EMC1: variants seen among roughly 807,000 people sequenced by gnomAD.
EMC1 encodes the protein ER membrane protein complex subunit 1.
EMC1 carries 103 observed loss-of-function variants against 128.8 expected under a neutral mutation model. That is an observed-to-expected ratio of 0.80 (90% CI 0.68 to 0.94). The LOEUF is 0.94. EMC1 is among the 40% of genes least tolerant of loss of function. EMC1 has a pLI of 0.00. For missense variants in EMC1, 1,083 were observed against 1,250.6 expected (o/e 0.87, Z 2.02); for synonymous variants, 442 against 490.4 (o/e 0.90, Z 1.30).
chr1:19,225,465 C>T (rs1331516540), intron 18 of EMC1, among the ~76,000 whole-genome samples: 8 of 152,160 alleles, frequency 5.3e-5, no homozygotes, highest in Admixed American at 2.0e-4. Context: ...TCCTGGCCAA[C>T]ATGGTGAAAC....
At chr1:19,240,132 G>A (rs1480519287) in intron 7 of EMC1, 147 bp from the exon 8 acceptor site, 2 of 1,204,554 alleles carry the variant, frequency 1.7e-6, no homozygotes, top group Non-Finnish European at 2.3e-6. Context: ...GTTCCCCAAA[G>A]AGGAAAGTGA....
chr1:19,240,328 G>GTC lies in EMC1; in HGVS notation c.753_754dup (p.Thr252ArgfsTer6). 1 of 1,614,152 alleles carries GTC rather than the reference G, an allele frequency of 6.2e-7. No individual in the cohort carries two copies. Among genetic ancestry groups the GTC allele is most frequent in the African/African-American group, 1.3e-5 (1 of 75,046 alleles). On this transcript the variant is annotated frameshift_variant, in exon 7 of 23. Transcript: ENST00000477853. LOFTEE classifies it high-confidence loss of function. Reference sequence around the variant, plus strand: ...TGGGATCTGTCTCAACTCCCATTCCGTCTCCAGAGCCAAAGTTTGGAGGGA... The same window carrying GTC: ...TGGGATCTGTCTCAACTCCCATTCCGTCTCTCCAGAGCCAAAGTTTGGAGGGA...
intron 11 of EMC1, among the ~76,000 whole-genome samples, chr1:19,237,793 G>A (rs1248662386): frequency 6.6e-6 from 1 of 152,236 alleles, no homozygotes; most frequent in Non-Finnish European, 1.5e-5. Context: ...ATCAATTAAT[G>A]TGTAAGTTAA....
chr1:19,231,004 T>G, intron 16 of EMC1, 41 bp from the exon 17 acceptor site: 2 of 1,610,346 alleles, frequency 1.2e-6, no homozygotes, highest in Non-Finnish European at 1.7e-6. Context: ...GTTAGGAAAT[T>G]TCCCCATCAA....
chr1:19,236,845 G>A (rs1021112614), intron 12 of EMC1, among the ~76,000 whole-genome samples: 40 of 150,786 alleles, frequency 2.7e-4, no homozygotes, highest in Admixed American at 9.3e-4. Context: ...GCACACGCCT[G>A]TAATCCCAGC....
Position 19,219,199 on chromosome 1 carries a change from AC to A in EMC1, c.*103del. The A allele has an allele frequency of 4.4e-6, 5 of 1,127,254 alleles. No homozygotes were observed. Among genetic ancestry groups the A allele is most frequent in the Non-Finnish European group, 6.5e-6 (5 of 763,452 alleles). The allele number at this position is 1,127,254 out of a possible 1,614,324, so 69.8% of individuals were successfully genotyped here. A position where few individuals can be genotyped will look rare whatever the true frequency, so the allele number is the denominator to read the frequency against. ...TCTTCCCTACAGTTCTTAGCTGAGC[AC>A]TGACACACACACATACTCCACCAAT... On this transcript the variant is annotated 3_prime_UTR_variant, in exon 23 of 23. Coordinates refer to ENST00000477853, the MANE Select transcript of EMC1 (RefSeq NM_015047.3).
chr1:19,248,721 A>G (rs1370676928), intron 1 of EMC1, among the ~76,000 whole-genome samples: 4 of 151,886 alleles, frequency 2.6e-5, no homozygotes, highest in Admixed American at 2.0e-4. Context: ...CCCAGCCCCA[A>G]GCTGGTCTTG....
At position 19,237,195 on chromosome 1, in the gene EMC1, T is replaced by C; in HGVS notation, c.1256A>G (p.Tyr419Cys). ...VFLKKDDSVG[Y>C]RALVQTEDHL... ...ATCCTCTGTCTGCACCAAAGCCCGG[T>C]AGCCCACTGAGTCATCCTTCTTCAA... Residue 419 changes from tyrosine (Y) to cysteine (C), a missense_variant, in exon 12 of 23, where the codon TAC becomes TGC. This residue lies in a region of EMC1 where 544 missense variants were observed against 572.4 expected (regional missense o/e 0.95). Coordinates refer to ENST00000477853, the MANE Select transcript of EMC1 (RefSeq NM_015047.3). The C allele has an allele frequency of 1.2e-6, 2 of 1,614,090 alleles. No homozygotes were observed. The highest frequency in any genetic ancestry group is 1.7e-6 in the Non-Finnish European group (2 of 1,179,998).
chr1:19,230,222 A>G (rs1054731725), intron 17 of EMC1, among the ~76,000 whole-genome samples: 3 of 151,906 alleles, frequency 2.0e-5, no homozygotes, highest in Non-Finnish European at 2.9e-5. Context: ...CTCAACCCAC[A>G]TTCCTACCTT....
intron 17 of EMC1, among the ~76,000 whole-genome samples, chr1:19,228,810 C>A (rs1252685087): frequency 6.6e-6 from 1 of 151,992 alleles, no homozygotes; most frequent in African/African-American, 2.4e-5. Context: ...CCAGCACTTT[C>A]GGAGCCCGAG....
intron 4 of EMC1, among the ~76,000 whole-genome samples, 163 bp downstream of exon 4, chr1:19,243,451 A>G (rs977028183): frequency 1.3e-5 from 2 of 152,152 alleles, no homozygotes; most frequent in African/African-American, 2.4e-5. Flanking sequence ...CGCTCAATAC[A>G]TGTTGGCTGA....
At chr1:19,223,687 GAA>G (rs1558093009) in intron 18 of EMC1, 118 bp from the exon 19 acceptor site, 1 of 873,166 alleles carries the variant, frequency 1.1e-6, no homozygotes, top group African/African-American at 1.7e-5. Flanking sequence ...GGTTTCTGGT[GAA>G]AAGAGCTTCC....
rs769665177 is a variant in EMC1, at chr1:19,241,042, C to T, written c.610G>A (p.Val204Met). ...TGCTGAACAATCTCTCCATCTTCCA[C>T]ATTAAACTTGACAATGTTCACATGG... is the stretch of plus-strand genomic sequence containing the variant. ...FSHVNIVKFN[V>M]EDGEIVQQVR... The change falls in exon 6 of 23, where the codon GTG (valine) becomes ATG (methionine). Residue 204 changes from valine (V) to methionine (M), a missense_variant. By Grantham distance (21) the Val-to-Met change is conservative (BLOSUM62 1). This residue lies in a region of EMC1 where 544 missense variants were observed against 572.4 expected (regional missense o/e 0.95). Coordinates refer to ENST00000477853, the MANE Select transcript of EMC1 (RefSeq NM_015047.3). 1.9e-6 allele frequency: 3 copies of T among 1,614,198 alleles called. No individual in the cohort carries two copies. The highest frequency in any genetic ancestry group is 1.1e-5 in the South Asian group (1 of 91,080).
intron 7 of EMC1, 96 bp downstream of exon 7, chr1:19,240,201 G>T: frequency 6.7e-7 from 1 of 1,482,332 alleles, no homozygotes; most frequent in South Asian, 1.2e-5. Flanking sequence ...TGCTCAGGAA[G>T]AGTCTAGGAG....
chr1:19,226,576 A>G (rs1482660984), intron 18 of EMC1, among the ~76,000 whole-genome samples: 1 of 152,088 alleles, frequency 6.6e-6, no homozygotes, highest in Non-Finnish European at 1.5e-5. Flanking sequence ...TTGTTTGGAG[A>G]CAGGGTCTCA....
Position 19,231,359 on chromosome 1 carries a change from G to T in EMC1, c.1846C>A (p.Pro616Thr). Residue 616 changes from proline (P) to threonine (T), a missense_variant, in exon 16 of 23, where the codon CCC becomes ACC. This residue lies in a region of EMC1 where 527 missense variants were observed against 644.1 expected (regional missense o/e 0.82). Transcript: ENST00000477853. Reference protein sequence around the residue: ...PIFGKWSQVAPPVLKRPILQS... With the variant: ...PIFGKWSQVATPVLKRPILQS... ...AAGATGGGGCGCTTCAGCACTGGGG[G>T]AGCTACCTGACTCCACTTCCCAAAA... The T allele has an allele frequency of 6.2e-7, 1 of 1,612,712 alleles. No homozygotes were observed. Among genetic ancestry groups the T allele is most frequent in the East Asian group, 2.2e-5 (1 of 44,866 alleles).
At chr1:19,240,133 A>G (rs710869) in intron 7 of EMC1, 148 bp from the exon 8 acceptor site, 186,162 of 1,193,764 alleles carry the variant, frequency 0.16, 16,493 homozygotes, top group African/African-American at 0.35. Context: ...TTCCCCAAAG[A>G]GGAAAGTGAC....
chr1:19,245,469 A>G (rs1314422201), intron 1 of EMC1, among the ~76,000 whole-genome samples: 3 of 152,138 alleles, frequency 2.0e-5, no homozygotes, highest in East Asian at 1.9e-4. Flanking sequence ...GTTAGTGAAG[A>G]GCTCTGACCA....
chr1:19,239,328 C>T (rs781605912), intron 8 of EMC1, 26 bp from the exon 9 acceptor site: 26 of 1,607,460 alleles, frequency 1.6e-5, no homozygotes, highest in Non-Finnish European at 2.2e-5. Context: ...GGCATCAGCT[C>T]CTAAATGGGA....
Sources: gnomAD v4.1 joint callset for allele counts (sites outside exome capture counted in the v4.1 genomes callset) on GRCh38, gnomAD v4.1.1 for gene constraint, gnomAD v4.1.1 regional missense constraint, MANE v1.5 for transcripts, NCBI Gene and HGNC (gene_info 2026-07-23, HGNC 2026-07-21) for gene names.